Variants in ASXL2 observed in about 807,000 individuals in gnomAD.
ASXL2 encodes putative Polycomb group protein ASXL2.
Under a neutral mutation model 122.0 loss-of-function variants are expected in ASXL2, and 23 were observed. The ratio of observed to expected loss-of-function variants is 0.19; its 90% CI spans 0.14 to 0.27. The LOEUF (loss-of-function observed/expected upper bound fraction) is 0.27, where lower values mean the gene tolerates loss of function less well. ASXL2 is among the 10% of genes least tolerant of loss of function. The pLI, the probability that ASXL2 is intolerant of heterozygous loss-of-function variation, is 1.00. For missense variants in ASXL2, 1,518 were observed against 1,713.8 expected, an observed-to-expected ratio of 0.89 and a Z score of 2.02; for synonymous variants, 650 against 637.0, an observed-to-expected ratio of 1.02 and a Z score of -0.31.
intron 5 of ASXL2, among the ~76,000 whole-genome samples, chr2:25,777,117 C>T (rs1187833404): frequency 1.3e-5 from 2 of 152,152 alleles, no homozygotes; most frequent in Non-Finnish European, 2.9e-5. Flanking sequence ...GAGACAGGGT[C>T]TCACTCTGTT....
intron 11 of ASXL2, among the ~76,000 whole-genome samples, chr2:25,750,662 T>C (rs1287950684): frequency 2.0e-5 from 3 of 152,234 alleles, no homozygotes; most frequent in African/African-American, 7.2e-5. Context: ...CTTCAGTTTC[T>C]TCAATTGTAC....
At chr2:25,864,910 C>G (rs147675160) in intron 1 of ASXL2, among the ~76,000 whole-genome samples, 6 of 151,822 alleles carry the variant, frequency 4.0e-5, no homozygotes, top group Non-Finnish European at 8.8e-5. Flanking sequence ...CAGCTCACTG[C>G]AATCTCCACC....
rs1184368603 is a variant in ASXL2, at chr2:25,744,651, C to T, written c.1861-175G>A. Reference sequence around the variant, plus strand: ...TGGAGACAGCAATACTAGTTTGTCTCTAGGGTCCTTGCATCCACTTTTTCT... The same window carrying T: ...TGGAGACAGCAATACTAGTTTGTCTTTAGGGTCCTTGCATCCACTTTTTCT... On this transcript the variant is annotated intron_variant, in intron 12 of 12. Transcript: ENST00000435504. This position sits in a 1 kb window ranked among gnomAD's most constrained non-coding sequence, Gnocchi z 4.7. Among the ~76,000 whole-genome samples the T allele has an allele frequency of 6.6e-6, 1 of 152,200 alleles. No homozygotes were observed. Among genetic ancestry groups the T allele is most frequent in the Non-Finnish European group, 1.5e-5 (1 of 68,046 alleles).
At chr2:25,763,881 T>C (rs1488683533) in intron 8 of ASXL2, among the ~76,000 whole-genome samples, 1 of 152,108 alleles carries the variant, frequency 6.6e-6, no homozygotes, top group Non-Finnish European at 1.5e-5. Context: ...TTCATCACAA[T>C]GCCACACAGG....
intron 5 of ASXL2, among the ~76,000 whole-genome samples, chr2:25,773,863 T>C (rs1040901889): frequency 2.7e-5 from 4 of 149,412 alleles, no homozygotes; most frequent in African/African-American, 9.9e-5. Context: ...AAACCCCGCC[T>C]CTACTAAAAT....
intron 5 of ASXL2, among the ~76,000 whole-genome samples, chr2:25,773,195 G>A (rs1012833105): frequency 6.6e-6 from 1 of 150,706 alleles, no homozygotes; most frequent in Non-Finnish European, 1.5e-5. Flanking sequence ...GTGACAGAGC[G>A]AGAGTCCATC....
chr2:25,846,150 C>T (rs1298713134), intron 1 of ASXL2, among the ~76,000 whole-genome samples: 1 of 152,256 alleles, frequency 6.6e-6, no homozygotes, highest in Non-Finnish European at 1.5e-5. Context: ...AGAAAGTGCT[C>T]CAAGAGAAAA....
Position 25,759,583 on chromosome 2 carries a change from T to C in ASXL2, c.838A>G (p.Asn280Asp). Reference protein sequence around the residue: ...DVETPDSILVNTNLRALINKH... With the variant: ...DVETPDSILVDTNLRALINKH... ...TTGATCAGTGCTCGCAGATTTGTAT[T>C]AACCAGAATGGAGTCCGGTGTCTCA... The change falls in exon 9 of 13, where the codon AAT (asparagine) becomes GAT (aspartate). Residue 280 changes from asparagine (N) to aspartate (D), a missense_variant. Physicochemically the swap from Asn to Asp is conservative, Grantham distance 23. Transcript: ENST00000435504. The C allele has an allele frequency of 6.2e-7, 1 of 1,613,932 alleles. No individual in the cohort carries two copies. The highest frequency in any genetic ancestry group is 8.5e-7 in the Non-Finnish European group (1 of 1,179,806).
chr2:25,776,665 T>C (rs1435647125), intron 5 of ASXL2, among the ~76,000 whole-genome samples: 2 of 151,616 alleles, frequency 1.3e-5, no homozygotes, highest in East Asian at 1.9e-4. Context: ...TGCTTATTAT[T>C]GTCTGTCTTT....
chr2:25,876,863 TAATGCATAAAGTTTACAAAACA>T (rs1353801571), intron 1 of ASXL2, among the ~76,000 whole-genome samples: 2 of 152,182 alleles, frequency 1.3e-5, no homozygotes, highest in Non-Finnish European at 2.9e-5. Flanking sequence ...ATCAACCTCC[TAATGCATAAAGTTTACAAAACA>T]AATGCACAAA....
chr2:25,817,119 C>T (rs935812959), intron 3 of ASXL2, among the ~76,000 whole-genome samples: 1 of 151,102 alleles, frequency 6.6e-6, no homozygotes, highest in Non-Finnish European at 1.5e-5. Flanking sequence ...AAGACTCTGT[C>T]TCAAAAAAAA....
At chr2:25,813,484 G>C (rs1396505629) in intron 3 of ASXL2, among the ~76,000 whole-genome samples, 3 of 152,200 alleles carry the variant, frequency 2.0e-5, no homozygotes, top group African/African-American at 7.2e-5. Flanking sequence ...TCTCATGTCA[G>C]TTCAAGAGAA....
chr2:25,737,549 T>C lies in ASXL2; in HGVS notation c.*4480A>G, dbSNP rs1007247757. ...TACACTACCCTGATTTATCACCAAGTTCCTCATTTTACTCTCTTCCATACA... is the reference window on the plus strand; with the variant it reads ...TACACTACCCTGATTTATCACCAAGCTCCTCATTTTACTCTCTTCCATACA... On this transcript the variant is annotated 3_prime_UTR_variant, in exon 13 of 13. Coordinates refer to ENST00000435504, the MANE Select transcript of ASXL2 (RefSeq NM_018263.6). 1 of 152,178 alleles carries C rather than the reference T, an allele frequency of 6.6e-6. No individual in the cohort carries two copies. The highest frequency in any genetic ancestry group is 1.5e-5 in the Non-Finnish European group (1 of 68,014). The allele number at this position is 152,178 out of a possible 1,614,324, so 9.4% of individuals were successfully genotyped here.
chr2:25,830,379 C>A (rs918282887), intron 3 of ASXL2, among the ~76,000 whole-genome samples: 9 of 152,272 alleles, frequency 5.9e-5, no homozygotes, highest in African/African-American at 2.2e-4. Flanking sequence ...CGCCTGTAAT[C>A]CCAGCACTTT....
rs531091305 is a variant in ASXL2, at chr2:25,796,013, G to A, written c.403+3372C>T. 5.3e-5 allele frequency among the ~76,000 whole-genome samples: 8 copies of A among 152,164 alleles called. No individual in the cohort carries two copies. In the South Asian group the frequency reaches 1.7e-3, roughly 32 times the overall value. ...TTCATTCCATTTATTCCTAACAATTGAGGTCTGGGTAGCTCTCTAAGTGGT... is the reference window on the plus strand; with the variant it reads ...TTCATTCCATTTATTCCTAACAATTAAGGTCTGGGTAGCTCTCTAAGTGGT... On this transcript the variant is annotated intron_variant, in intron 5 of 12. Coordinates refer to ENST00000435504, the MANE Select transcript of ASXL2 (RefSeq NM_018263.6).
chr2:25,742,056 C>A lies in ASXL2; in HGVS notation c.4281G>T (p.Leu1427=). The change falls in exon 13 of 13, where the codon CTG becomes CTT. Residue 1427 remains leucine (L), a synonymous_variant. Coordinates refer to ENST00000435504, the MANE Select transcript of ASXL2 (RefSeq NM_018263.6). ...ACCGAACGACAAGGCAGGAGACGCA[C>A]AGTTTGGAGGGGCCGATGCAATCAT... The part of the protein sequence containing the change: ...CHDDCIGPSK[L]CVSCLVVR 6.2e-7 allele frequency: 1 copy of A among 1,613,646 alleles called. No homozygotes were observed. Among genetic ancestry groups the A allele is most frequent in the Non-Finnish European group, 8.5e-7 (1 of 1,179,624 alleles).
At position 25,733,900 on chromosome 2, in the gene ASXL2, A is replaced by C. The variant is rs549904677; in HGVS notation, c.*8129T>G. ...TAAAAGTGACAGGAAAGAAGACAAT[A>C]GTGAGGAGCTAAAAGGCAGAGTTTA... On this transcript the variant is annotated 3_prime_UTR_variant, in exon 13 of 13. Transcript: ENST00000435504. 6.6e-6 allele frequency: 1 copy of C among 152,344 alleles called. No homozygotes were observed. The highest frequency in any genetic ancestry group is 1.9e-4 in the East Asian group (1 of 5,192). 9.4% of individuals were successfully genotyped at this position (152,344 alleles called of 1,614,324 possible).
intron 3 of ASXL2, among the ~76,000 whole-genome samples, chr2:25,818,334 C>A (rs1318777892): frequency 6.6e-6 from 1 of 152,166 alleles, no homozygotes; most frequent in Non-Finnish European, 1.5e-5. Context: ...AATGGCGAAA[C>A]CCCGTCTCTA....
At chr2:25,796,415 T>C (rs1013829712) in intron 5 of ASXL2, among the ~76,000 whole-genome samples, 10 of 152,212 alleles carry the variant, frequency 6.6e-5, no homozygotes, top group African/African-American at 9.6e-5. Context: ...TGCCTTGCCA[T>C]GTACAGCTAA....
Sources: allele counts gnomAD v4.1 joint callset (sites outside exome capture counted in the v4.1 genomes callset), GRCh38; gene constraint gnomAD v4.1.1; non-coding constraint Gnocchi (gnomAD v3.1); transcripts MANE v1.5; gene names NCBI Gene and HGNC (gene_info 2026-07-23, HGNC 2026-07-21).